The following CD47 variants were observed in gnomAD, a reference collection of about 807,000 sequenced individuals.
The protein encoded by CD47 is CD47 molecule.
A neutral mutation model predicts 44.6 loss-of-function variants in CD47; 11 were observed. The ratio of observed to expected loss-of-function variants is 0.25; its 90% CI spans 0.16 to 0.41. The LOEUF is 0.41. Among genes scored for constraint, CD47 ranks in the 10% least tolerant of loss-of-function variants. CD47 has a pLI of 1.00. For missense variants in CD47, 306 were observed against 386.7 expected (o/e 0.79, Z 1.75); for synonymous variants, 140 against 136.3 (o/e 1.03, Z -0.19).
chr3:108,084,186 G>A (rs989955096), intron 1 of CD47, among the ~76,000 whole-genome samples: 5 of 151,578 alleles, frequency 3.3e-5, no homozygotes, highest in African/African-American at 4.8e-5. Context: ...AATCTGTTAC[G>A]TGGCCTCCAC....
chr3:108,050,693 C>T (rs571466861), intron 8 of CD47, 91 bp from the exon 9 acceptor site: 462 of 530,004 alleles, frequency 8.7e-4, no homozygotes, highest in African/African-American at 5.2e-3. Context: ...ATTTAAATTA[C>T]GTAGTAAGCA....
intron 1 of CD47, among the ~76,000 whole-genome samples, chr3:108,089,945 T>C (rs2079596493): frequency 1.3e-5 from 2 of 150,714 alleles, no homozygotes; most frequent in Non-Finnish European, 2.9e-5. Context: ...CCTTGCTCAG[T>C]TTTTACAGAC....
chr3:108,060,420 G>A (rs2078989365), intron 4 of CD47, among the ~76,000 whole-genome samples: 1 of 152,186 alleles, frequency 6.6e-6, no homozygotes, highest in Non-Finnish European at 1.5e-5. Context: ...GAGGAAGGAG[G>A]AGGCAATGTG....
In CD47 at chr3:108,090,899, G is replaced by A. The variant is rs2079623383; in HGVS notation, c.10C>T (p.Leu4=). The change falls in exon 1 of 11, where the codon CTG becomes TTG. Residue 4 remains leucine, a synonymous_variant. Transcript: ENST00000361309. ...GAGCCCAGCAACAGCGCCGCTACCA[G>A]GGGCCACATCTCCGCGCCCGCCGCG... The part of the protein sequence containing the change: MWP[L]VAALLLGSAC... 7 of 1,488,416 alleles carry A rather than the reference G, an allele frequency of 4.7e-6. No individual in the cohort carries two copies. The highest frequency in any genetic ancestry group is 2.5e-5 in the South Asian group (2 of 79,842). The allele number at this position is 1,488,416 out of a possible 1,614,324, so 92.2% of individuals were successfully genotyped here.
intron 4 of CD47, among the ~76,000 whole-genome samples, chr3:108,059,916 C>T (rs1253243015): frequency 6.6e-6 from 1 of 152,162 alleles, no homozygotes; most frequent in Non-Finnish European, 1.5e-5. Flanking sequence ...GCTGTCTTCA[C>T]TAACTTCAGA....
intron 1 of CD47, among the ~76,000 whole-genome samples, chr3:108,081,935 T>C (rs1342004737): frequency 6.6e-6 from 1 of 151,954 alleles, no homozygotes; most frequent in African/African-American, 2.4e-5. Flanking sequence ...TTCCCAGTTT[T>C]CTACATTTCT....
intron 3 of CD47, among the ~76,000 whole-genome samples, chr3:108,066,479 G>A (rs565100087): frequency 6.6e-6 from 1 of 152,296 alleles, no homozygotes; most frequent in East Asian, 1.9e-4. Context: ...GTAAATAGCA[G>A]ATGTCCCATC....
At chr3:108,054,129 T>C (rs1026807232) in intron 7 of CD47, 4 of 152,212 alleles carry the variant, frequency 2.6e-5, no homozygotes, top group African/African-American at 9.7e-5. Context: ...ATGCCTGTAG[T>C]CCCAGCTACT....
intron 8 of CD47, 28 bp from the exon 9 acceptor site, chr3:108,050,630 T>C: frequency 1.2e-6 from 1 of 807,566 alleles, no homozygotes. Context: ...TATATTTACA[T>C]AAAAATATAA....
chr3:108,057,913 A>G (rs990791755), intron 6 of CD47, among the ~76,000 whole-genome samples: 122 of 152,324 alleles, frequency 8.0e-4, no homozygotes, highest in African/African-American at 2.8e-3. Context: ...TACAGCTAAT[A>G]TCTTTGTAGC....
chr3:108,081,414 T>C (rs900936451), intron 1 of CD47, among the ~76,000 whole-genome samples: 1 of 151,980 alleles, frequency 6.6e-6, no homozygotes, highest in Non-Finnish European at 1.5e-5. Flanking sequence ...AAATATCAAC[T>C]TTGTTAATAG....
chr3:108,062,407 C>T (rs1380001655), intron 3 of CD47, among the ~76,000 whole-genome samples: 1 of 151,984 alleles, frequency 6.6e-6, no homozygotes, highest in Non-Finnish European at 1.5e-5. Context: ...CATTTTAATC[C>T]CATATATATT....
rs1559963507 is a variant in CD47, at chr3:108,044,436, AAAAAAAAAAAAC to A, written c.*2840_*2851del. ...TAGTCAAAAAAAAAAAAAAAAAAAA[AAAAAAAAAAAAC>A]AAAAAAAAAAAACAGAAAGAAAGAA... is the stretch of plus-strand genomic sequence containing the variant. On this transcript the variant is annotated 3_prime_UTR_variant, in exon 11 of 11. Transcript: ENST00000361309. 87 of 8,668 alleles carry A rather than the reference AAAAAAAAAAAAC, an allele frequency of 0.01. 1 individual carries two copies. Among genetic ancestry groups the A allele is most frequent in the African/African-American group, 0.026 (82 of 3,172 alleles). The allele number at this position is 8,668 out of a possible 1,614,324, so 0.5% of individuals were successfully genotyped here. A position where few individuals can be genotyped will look rare whatever the true frequency, so the allele number is the denominator to read the frequency against.
chr3:108,070,419 A>C lies in CD47; in HGVS notation c.490+674T>G, dbSNP rs143014753. 1.5e-3 allele frequency among the ~76,000 whole-genome samples: 229 copies of C among 152,348 alleles called. 1 individual carries two copies. The highest frequency in any genetic ancestry group is 2.8e-3 in the Non-Finnish European group (192 of 68,030). ...TTACCAAAATATGAAAATATGGTTGATTAAACATTAACCGTAATGCATATT... is the reference window on the plus strand; with the variant it reads ...TTACCAAAATATGAAAATATGGTTGCTTAAACATTAACCGTAATGCATATT... On this transcript the variant is annotated intron_variant, in intron 3 of 10. Transcript: ENST00000361309.
At chr3:108,057,155 T>C (rs899515032) in intron 7 of CD47, among the ~76,000 whole-genome samples, 11 of 152,178 alleles carry the variant, frequency 7.2e-5, no homozygotes, top group African/African-American at 2.7e-4. Flanking sequence ...TTTTACTTAG[T>C]ATAAAAAGGT....
chr3:108,062,354 T>C (rs553483048), intron 3 of CD47, among the ~76,000 whole-genome samples: 34 of 152,128 alleles, frequency 2.2e-4, no homozygotes, highest in Non-Finnish European at 3.5e-4. Context: ...AAAAGGCACA[T>C]ACACAGAAAA....
At chr3:108,066,028 G>T (rs1043062005) in intron 3 of CD47, among the ~76,000 whole-genome samples, 2 of 151,964 alleles carry the variant, frequency 1.3e-5, no homozygotes, top group Admixed American at 1.3e-4. Context: ...GAAATTTCCT[G>T]TTCCATTACT....
chr3:108,083,301 T>C (rs2079452353), intron 1 of CD47, among the ~76,000 whole-genome samples: 1 of 152,066 alleles, frequency 6.6e-6, no homozygotes. Context: ...GAATATAGAC[T>C]ATCAGCCCAA....
chr3:108,072,429 TAAC>T (rs955895749), intron 2 of CD47, among the ~76,000 whole-genome samples: 11 of 152,218 alleles, frequency 7.2e-5, no homozygotes, highest in African/African-American at 2.4e-4. Context: ...CCCCAGAATA[TAAC>T]AACATCATAA....
Sources: gnomAD v4.1 joint callset for allele counts (sites outside exome capture counted in the v4.1 genomes callset) on GRCh38, gnomAD v4.1.1 for gene constraint, MANE v1.5 for transcripts, NCBI Gene and HGNC (gene_info 2026-07-23, HGNC 2026-07-21) for gene names.